ERC1: variants seen among roughly 807,000 people sequenced by gnomAD.
The protein encoded by ERC1 is ELKS/RAB6-interacting/CAST family member 1.
ERC1 carries 56 observed loss-of-function variants against 132.0 expected under a neutral mutation model. The ratio of observed to expected loss-of-function variants is 0.42; its 90% CI spans 0.34 to 0.53. The LOEUF (loss-of-function observed/expected upper bound fraction) is 0.53. Among genes scored for constraint, ERC1 ranks in the 20% least tolerant of loss-of-function variants. The pLI is 0.03. For synonymous variants in ERC1, 478 were observed against 476.1 expected, an observed-to-expected ratio of 1.00 and a Z score of -0.05; for missense variants, 1,202 against 1,349.9, an observed-to-expected ratio of 0.89 and a Z score of 1.72.
In ERC1 at chr12:1,121,713, CTCTATCTCTATCTCTATCTCTATCTCTA is replaced by C. The variant is rs1947177395; in HGVS notation, c.1569+5706_1569+5733del. Among the ~76,000 whole-genome samples, 11 of 5,702 alleles carry C rather than the reference CTCTATCTCTATCTCTATCTCTATCTCTA, an allele frequency of 1.9e-3. 2 individuals carry two copies. The highest frequency in any genetic ancestry group is 3.5e-3 in the African/African-American group (11 of 3,120). 3.7% of individuals were successfully genotyped at this position (5,702 alleles called of 152,430 possible). A position where few individuals can be genotyped will look rare whatever the true frequency, so the allele number is the denominator to read the frequency against. ...TCTCTATCTCTATCTCTATCTGTGT[CTCTATCTCTATCTCTATCTCTATCTCTA>C]TCTATCTCTATCTCTATCTCTATCT... On this transcript the variant is annotated intron_variant, in intron 7 of 18. Coordinates refer to ENST00000360905, the MANE Select transcript of ERC1 (RefSeq NM_178040.4).
chr12:1,063,260 A>ATGTG (rs1306266449), intron 2 of ERC1, among the ~76,000 whole-genome samples: 1 of 146,702 alleles, frequency 6.8e-6, no homozygotes, highest in East Asian at 2.0e-4. Flanking sequence ...GTATGTATGT[A>ATGTG]TTTATTTATT....
At chr12:1,151,556 A>G (rs1950838229) in intron 8 of ERC1, among the ~76,000 whole-genome samples, 1 of 152,232 alleles carries the variant, frequency 6.6e-6, no homozygotes, top group Non-Finnish European at 1.5e-5. Flanking sequence ...AATTCAGGTC[A>G]TTATTCTCCT....
chr12:1,138,057 T>A (rs1949452119), intron 7 of ERC1, among the ~76,000 whole-genome samples: 1 of 110,078 alleles, frequency 9.1e-6, no homozygotes. Flanking sequence ...CAATTATATA[T>A]AATTATATAT....
intron 8 of ERC1, among the ~76,000 whole-genome samples, chr12:1,152,116 C>T (rs1950892440): frequency 6.6e-6 from 1 of 151,486 alleles, no homozygotes; most frequent in Non-Finnish European, 1.5e-5. Flanking sequence ...AGGAGAATTG[C>T]TTGAACCTGG....
At chr12:1,061,536 T>C (rs1329373569) in intron 2 of ERC1, among the ~76,000 whole-genome samples, 4 of 151,734 alleles carry the variant, frequency 2.6e-5, no homozygotes, top group African/African-American at 9.7e-5. Context: ...CTGGGAGGCA[T>C]AGGTTGCAGT....
rs184346475 is a variant in ERC1 at position 1,444,767 on chromosome 12, A to G, written c.3213+17A>G. 5 of 1,607,000 alleles carry G rather than the reference A, an allele frequency of 3.1e-6. No homozygotes were observed. The highest frequency in any genetic ancestry group is 1.7e-4 in the Middle Eastern group (1 of 6,032). ...CGGGGGCAGGTGAGCCTCTCACTCA[A>G]ACTTTGAAAAGAGCCTGTGAAAATC... On this transcript the variant is annotated intron_variant, in intron 18 of 18. Transcript: ENST00000360905.
At chr12:1,402,216 CT>C (rs1426174861) in intron 16 of ERC1, among the ~76,000 whole-genome samples, 2 of 152,128 alleles carry the variant, frequency 1.3e-5, no homozygotes, top group African/African-American at 4.8e-5. Context: ...AAAATTTATA[CT>C]CTTAACACAT....
chr12:1,133,539 T>G (rs144449646), intron 7 of ERC1, among the ~76,000 whole-genome samples: 38 of 152,338 alleles, frequency 2.5e-4, no homozygotes, highest in African/African-American at 8.4e-4. Context: ...AGCCTGGTTG[T>G]TGAATTTCAT....
At chr12:1,217,162 G>T (rs1958506804) in intron 12 of ERC1, among the ~76,000 whole-genome samples, 1 of 152,068 alleles carries the variant, frequency 6.6e-6, no homozygotes, top group African/African-American at 2.4e-5. Flanking sequence ...AGTGAAAAAA[G>T]TTGACAATAT....
chr12:1,417,500 C>T (rs1565392336), intron 17 of ERC1, among the ~76,000 whole-genome samples: 1 of 151,668 alleles, frequency 6.6e-6, no homozygotes, highest in Non-Finnish European at 1.5e-5. Context: ...ATTTTGGAGG[C>T]CGAGCGCGGT....
In ERC1 at chr12:1,303,412, G is replaced by A. The variant is rs565226600; in HGVS notation, c.2780+13400G>A. Among the ~76,000 whole-genome samples the A allele has an allele frequency of 2.7e-5, 4 of 148,738 alleles. No homozygotes were observed. In the South Asian group the frequency reaches 6.5e-4, roughly 24 times the overall value. On this transcript the variant is annotated intron_variant, in intron 15 of 18. Coordinates refer to ENST00000360905, the MANE Select transcript of ERC1 (RefSeq NM_178040.4). ...AGCACTTTGGGAGGCCGAGGCAGGC[G>A]GATCACAAGGTCAGGAGATCGAGAC... is the stretch of plus-strand genomic sequence containing the variant.
intron 17 of ERC1, among the ~76,000 whole-genome samples, chr12:1,419,743 G>C (rs1273066888): frequency 6.6e-6 from 1 of 151,548 alleles, no homozygotes; most frequent in Non-Finnish European, 1.5e-5. Context: ...CAGTGTGAAA[G>C]TATTTAGCAC....
chr12:1,343,758 C>A (rs764478655), intron 15 of ERC1, among the ~76,000 whole-genome samples: 1 of 152,092 alleles, frequency 6.6e-6, no homozygotes, highest in African/African-American at 2.4e-5. Flanking sequence ...GCAGGACTTT[C>A]CTTTAAAGCT....
intron 7 of ERC1, among the ~76,000 whole-genome samples, chr12:1,137,379 G>A (rs905222533): frequency 3.3e-5 from 5 of 151,530 alleles, no homozygotes; most frequent in Non-Finnish European, 7.4e-5. Context: ...TTACAGGTGT[G>A]AGCCACCACG....
intron 3 of ERC1, among the ~76,000 whole-genome samples, chr12:1,102,132 A>T (rs12316348): frequency 0.23 from 34,378 of 150,054 alleles, 3,992 homozygotes; most frequent in Non-Finnish European, 0.25. Flanking sequence ...TTTAACTTAA[A>T]TTTTTTTTTT....
Position 1,056,731 on chromosome 12 carries a change from A to G in ERC1, c.670-26433A>G, listed in dbSNP as rs116984160. ...AGGGAAGGTGAAGCCTCCATGTTGA[A>G]CATACCTGGCCCCCAGGTAGCCGTT... On this transcript the variant is annotated intron_variant, in intron 2 of 18. Coordinates refer to ENST00000360905, the MANE Select transcript of ERC1 (RefSeq NM_178040.4). Among the ~76,000 whole-genome samples, 761 of 152,256 alleles carry G rather than the reference A, an allele frequency of 5.0e-3. 2 individuals are homozygous for G. Among genetic ancestry groups the G allele is most frequent in the Middle Eastern group, 0.014 (4 of 294 alleles).
intron 3 of ERC1, among the ~76,000 whole-genome samples, chr12:1,100,720 A>G (rs1944564705): frequency 6.6e-6 from 1 of 152,218 alleles, no homozygotes; most frequent in Non-Finnish European, 1.5e-5. Context: ...GGGGAAGGCC[A>G]GGAGGTCACT....
intron 3 of ERC1, among the ~76,000 whole-genome samples, chr12:1,097,295 C>T (rs11830412): frequency 0.086 from 13,032 of 152,144 alleles, 717 homozygotes; most frequent in African/African-American, 0.14. Context: ...GATTTTGGTA[C>T]CTTCCTTAAT....
chr12:1,409,753 G>A (rs1021575076), intron 17 of ERC1, among the ~76,000 whole-genome samples: 1 of 152,128 alleles, frequency 6.6e-6, no homozygotes, highest in East Asian at 1.9e-4. Context: ...GCGTTGCCCA[G>A]GCTGGAGTGC....
Sources: gnomAD v4.1 joint callset for allele counts (sites outside exome capture counted in the v4.1 genomes callset) on GRCh38, gnomAD v4.1.1 for gene constraint, MANE v1.5 for transcripts, NCBI Gene and HGNC (gene_info 2026-07-23, HGNC 2026-07-21) for gene names.